COL4A4: variants seen among roughly 807,000 people sequenced by gnomAD.
COL4A4 encodes collagen alpha-4(IV) chain.
COL4A4 carries 105 observed loss-of-function variants against 192.9 expected under a neutral mutation model. That is an observed-to-expected ratio of 0.54 (90% CI 0.46 to 0.64). COL4A4 has a LOEUF of 0.64. Ranked by LOEUF, COL4A4 falls within the 30% of genes least tolerant of loss-of-function variation. The pLI, the probability that COL4A4 is intolerant of heterozygous loss-of-function variation, is 0.00. For synonymous variants in COL4A4, 762 were observed against 769.9 expected (o/e 0.99, Z 0.17); for missense variants, 1,967 against 2,169.3 (o/e 0.91, Z 1.85).
chr2:226,969,285 C>T, the COL4A4 span, among the ~76,000 whole-genome samples: 1 of 151,896 alleles, frequency 6.6e-6, no homozygotes, highest in South Asian at 2.1e-4. Context: ...ATTCTCTTGA[C>T]CTTAGTTCCT....
intron 4 of COL4A4, among the ~76,000 whole-genome samples, chr2:227,137,511 T>C (rs542346829): frequency 1.3e-5 from 2 of 152,332 alleles, no homozygotes; most frequent in East Asian, 3.9e-4. Context: ...AATACTTGCA[T>C]CACAGAGCAG....
rs188753468 is a variant in COL4A4 at position 227,117,100 on chromosome 2, T to C, written c.489+1545A>G. Among the ~76,000 whole-genome samples the C allele has an allele frequency of 2.4e-4, 37 of 152,350 alleles. No individual in the cohort carries two copies. In the East Asian group the frequency reaches 6.4e-3, roughly 26 times the overall value. On this transcript the variant is annotated intron_variant, in intron 7 of 47. Transcript: ENST00000396625. ...TCATGGGACAATATTAATTTTCTCA[T>C]CAGTTGATAAGGTTTCTTTGCGTGG... is the stretch of plus-strand genomic sequence containing the variant.
At chr2:227,164,469 G>A (rs1576995226), upstream of COL4A4, 1 of 562,728 alleles carries the variant, frequency 1.8e-6, no homozygotes, top group East Asian at 3.2e-5. The surrounding 1 kb of genome is among the most constrained non-coding windows in gnomAD (Gnocchi z 4.8). Context: ...CCGGGTAGAA[G>A]GGACACTGCC....
chr2:227,144,006 T>C (rs2063387364), intron 3 of COL4A4, among the ~76,000 whole-genome samples: 2 of 152,198 alleles, frequency 1.3e-5, no homozygotes, highest in African/African-American at 4.8e-5. Context: ...TATGAACAGA[T>C]AGGGTTATGT....
chr2:227,041,859 AAAGAAAGAAAG>A (rs1559478499), intron 37 of COL4A4, among the ~76,000 whole-genome samples: 25 of 103,858 alleles, frequency 2.4e-4, no homozygotes, highest in African/African-American at 1.1e-3. Context: ...AGAAAGAAAG[AAAGAAAGAAAG>A]AAAGAAAGAA....
At position 227,003,662 on chromosome 2, in the gene COL4A4, C is replaced by T. The variant is rs76028120; in HGVS notation, c.*3663G>A. On this transcript the variant is annotated 3_prime_UTR_variant, in exon 48 of 48. Transcript: ENST00000396625. ...GTGCACCATTCCATTGACTATTTTT[C>T]GGAGCACCAATAACATGTACACAAA... 2 of 152,254 alleles carry T rather than the reference C, an allele frequency of 1.3e-5. No homozygotes were observed. The highest frequency in any genetic ancestry group is 3.9e-4 in the East Asian group (2 of 5,178). 9.4% of individuals were successfully genotyped at this position (152,254 alleles called of 1,614,324 possible). A position where few individuals can be genotyped will look rare whatever the true frequency, so the allele number is the denominator to read the frequency against.
At position 227,049,196 on chromosome 2, in the gene COL4A4, T is replaced by C. The variant is rs759387694; in HGVS notation, c.3214+872A>G. On this transcript the variant is annotated intron_variant, in intron 34 of 47. Transcript: ENST00000396625. Reference sequence around the variant, plus strand: ...GATAGTAAAACTATTAAAGGTTTTATGCAAACATTGCAACTAAGATATCCT... The same window carrying C: ...GATAGTAAAACTATTAAAGGTTTTACGCAAACATTGCAACTAAGATATCCT... Among the ~76,000 whole-genome samples the C allele has an allele frequency of 7.2e-4, 109 of 152,248 alleles. 1 individual carries two copies. Among genetic ancestry groups the C allele is most frequent in the South Asian group, 6.2e-4 (3 of 4,834 alleles).
intron 37 of COL4A4, among the ~76,000 whole-genome samples, chr2:227,041,848 G>GAAAGAGAGAGAGAGAAAGAA: frequency 2.6e-5 from 1 of 38,736 alleles, no homozygotes; most frequent in African/African-American, 1.2e-4. Flanking sequence ...AAGAAAGAAA[G>GAAAGAGAGAGAGAGAAAGAA]AGAAAGAAAG....
In COL4A4 at chr2:227,041,442, C is replaced by A. The variant is rs1353643452; in HGVS notation, c.3505+706G>T. On this transcript the variant is annotated intron_variant, in intron 37 of 47. Coordinates refer to ENST00000396625, the MANE Select transcript of COL4A4 (RefSeq NM_000092.5). ...ATCATTTGAGGTCAGGAGTTTGAGA[C>A]CAGCCTGGCCAACATGGTGAAACCC... Among the ~76,000 whole-genome samples, 4 of 151,860 alleles carry A rather than the reference C, an allele frequency of 2.6e-5. No individual in the cohort carries two copies. In the East Asian group the frequency reaches 5.8e-4, roughly 22 times the overall value.
intron 8 of COL4A4, among the ~76,000 whole-genome samples, chr2:227,111,997 G>T (rs947087826): frequency 6.6e-6 from 1 of 152,060 alleles, no homozygotes; most frequent in Non-Finnish European, 1.5e-5. Context: ...TCTCAATCCA[G>T]TGGTCCCGTT....
intron 4 of COL4A4, among the ~76,000 whole-genome samples, chr2:227,131,698 G>A (rs954630714): frequency 3.3e-5 from 5 of 152,214 alleles, no homozygotes; most frequent in Admixed American, 3.3e-4. Flanking sequence ...CAAAAGACCT[G>A]ATAAAGTGAA....
Position 227,089,920 on chromosome 2 carries a change from T to A in COL4A4, c.1407A>T (p.Gly469=). 1 of 1,613,708 alleles carries A rather than the reference T, an allele frequency of 6.2e-7. No individual in the cohort carries two copies. Among genetic ancestry groups the A allele is most frequent in the Non-Finnish European group, 8.5e-7 (1 of 1,179,760 alleles). ...CTGGGGGACCAACTTTGCCTTTTAT[T>A]CCTTGTGGTCCGGGGTTCCCAACAC... ...YCSVGNPGPQ[G]IKGKVGPPGG... The change falls in exon 21 of 48, where the codon GGA becomes GGT. Residue 469 remains glycine (G), a synonymous_variant. Transcript: ENST00000396625.
intron 37 of COL4A4, among the ~76,000 whole-genome samples, chr2:227,036,591 T>TA (rs559307922): frequency 1.1e-3 from 172 of 152,342 alleles, no homozygotes; most frequent in African/African-American, 4.0e-3. Flanking sequence ...AAATAAGATT[T>TA]AAATATTTTT....
chr2:227,019,165 T>C (rs1965503415), intron 44 of COL4A4, among the ~76,000 whole-genome samples: 1 of 152,182 alleles, frequency 6.6e-6, no homozygotes, highest in Non-Finnish European at 1.5e-5. Context: ...TCTGCCACCT[T>C]CCACATTCTA....
chr2:227,021,924 G>C, intron 44 of COL4A4, 124 bp downstream of exon 44: 1 of 1,142,034 alleles, frequency 8.8e-7, no homozygotes, highest in Non-Finnish European at 1.3e-6. Context: ...AAATTGCAAA[G>C]GGAAAGACAT....
At chr2:227,109,352 G>T in intron 9 of COL4A4, 66 bp from the exon 10 acceptor site, 1 of 1,272,362 alleles carries the variant, frequency 7.9e-7, no homozygotes, top group Non-Finnish European at 1.2e-6. Context: ...AGAAAGAGTT[G>T]CGTGTGATCC....
intron 4 of COL4A4, among the ~76,000 whole-genome samples, chr2:227,135,665 A>C (rs952442797): frequency 5.3e-5 from 8 of 151,368 alleles, no homozygotes; most frequent in African/African-American, 1.9e-4. Flanking sequence ...CTTTTGAGAC[A>C]GAGTTTTACT....
At chr2:227,069,363 A>C (rs986133642) in intron 25 of COL4A4, among the ~76,000 whole-genome samples, 5 of 152,208 alleles carry the variant, frequency 3.3e-5, no homozygotes, top group Non-Finnish European at 2.9e-5. Flanking sequence ...ATTGGAAAAA[A>C]ACTACTTTAA....
intron 25 of COL4A4, among the ~76,000 whole-genome samples, chr2:227,065,225 T>C (rs1010303741): frequency 1.3e-5 from 2 of 152,192 alleles, no homozygotes; most frequent in Non-Finnish European, 2.9e-5. Context: ...CGCACCTGGC[T>C]CGGAGGGTCC....
Sources: gnomAD v4.1 joint callset for allele counts (sites outside exome capture counted in the v4.1 genomes callset) on GRCh38, gnomAD v4.1.1 for gene constraint, Gnocchi (gnomAD v3.1) non-coding constraint, MANE v1.5 for transcripts, NCBI Gene and HGNC (gene_info 2026-07-23, HGNC 2026-07-21) for gene names.